ALDH3A1: variants seen among roughly 807,000 people sequenced by gnomAD.
The protein encoded by ALDH3A1 is aldehyde dehydrogenase 3 family member A1.
Under a neutral mutation model 49.9 loss-of-function variants are expected in ALDH3A1, and 46 were observed. The ratio of observed to expected loss-of-function variants is 0.92; its 90% CI spans 0.73 to 1.18. The LOEUF is 1.18. Among genes scored for constraint, ALDH3A1 ranks in the 50% most tolerant of loss-of-function variants. The pLI, the probability that ALDH3A1 is intolerant of heterozygous loss-of-function variation, is 0.00. For missense variants in ALDH3A1, 592 were observed against 611.8 expected (o/e 0.97, Z 0.34); for synonymous variants, 269 against 253.3 (o/e 1.06, Z -0.59).
chr17:19,745,109 G>C lies in ALDH3A1; in HGVS notation c.21C>G (p.Ala7=), dbSNP rs745610092. 6 of 1,584,916 alleles carry C rather than the reference G, an allele frequency of 3.8e-6. No homozygotes were observed. In the Admixed American group the frequency reaches 6.8e-5, roughly 18 times the overall value. Residue 7 remains alanine, a synonymous_variant, in exon 2 of 11, where the codon GCC becomes GCG. Transcript: ENST00000225740. The part of the protein sequence containing the change: MSKISE[A]VKRARAAFSS... ...TGAAGGCGGCGCGGGCGCGCTTCAC[G>C]GCCTCGCTGATCTTGCTCATGGCGC...
At chr17:19,744,494 C>A (rs1392714904) in intron 2 of ALDH3A1, 1 of 985,310 alleles carries the variant, frequency 1.0e-6, no homozygotes, top group South Asian at 4.7e-5. Flanking sequence ...GGACCCCAGG[C>A]AGCATGTGGG....
At chr17:19,747,628 T>C (rs2086617587) in intron 1 of ALDH3A1, among the ~76,000 whole-genome samples, 2 of 151,930 alleles carry the variant, frequency 1.3e-5, no homozygotes, top group Admixed American at 1.3e-4. Context: ...GTGGACACCA[T>C]CACGTCGCAG....
intron 6 of ALDH3A1, 129 bp from the exon 7 acceptor site, chr17:19,740,606 A>G: frequency 9.6e-7 from 1 of 1,037,774 alleles, no homozygotes; most frequent in South Asian, 1.6e-5. Flanking sequence ...TTTCTTCTTT[A>G]TGCTTTTTAA....
In ALDH3A1 at chr17:19,742,039, G is replaced by A. The variant is rs762603230; in HGVS notation, c.654C>T (p.Tyr218=). The A allele has an allele frequency of 7.4e-6, 12 of 1,613,912 alleles. No individual in the cohort carries two copies. In the East Asian group the frequency reaches 1.1e-4, roughly 15 times the overall value. ...CGTCCAGGTCACAGTTCTTGTCCACGTAGCAGGGACTCTTCCCTCCCAGCT... is the reference window on the plus strand; with the variant it reads ...CGTCCAGGTCACAGTTCTTGTCCACATAGCAGGGACTCTTCCCTCCCAGCT... The part of the protein sequence containing the change: ...TLELGGKSPC[Y]VDKNCDLDVA... The change falls in exon 5 of 11, where the codon TAC becomes TAT. Residue 218 remains tyrosine (Y), a synonymous_variant. Coordinates refer to ENST00000225740, the MANE Select transcript of ALDH3A1 (RefSeq NM_000691.5).
chr17:19,743,834 ATAGAT>A lies in ALDH3A1; in HGVS notation c.163-376_163-372del. On this transcript the variant is annotated intron_variant, in intron 2 of 10. Transcript: ENST00000225740. This position sits in a 1 kb window ranked among gnomAD's most constrained non-coding sequence, Gnocchi z 4.4. ...GGGGGGATGGATCCGGGGAGGGGGG[ATAGAT>A]TCGGGCACTGGGAGCTGGATCCGGG... 2.1e-6 allele frequency: 2 copies of A among 957,982 alleles called. No individual in the cohort carries two copies. The highest frequency in any genetic ancestry group is 2.5e-6 in the Non-Finnish European group (2 of 814,528). The allele number at this position is 957,982 out of a possible 1,614,324, so 59.3% of individuals were successfully genotyped here.
rs1567649099 is a variant in ALDH3A1, at chr17:19,738,457, CGGA to C, written c.1217-7_1217-5del. On this transcript the variant is annotated splice_polypyrimidine_tract_variant and splice_region_variant and intron_variant, in intron 9 of 10. Transcript: ENST00000225740. ...TAGGATCCCATGCCGCTGTTCCCTG[CGGA>C]GGAGAAGTAAGCACAGGGCTCAGCA... 1 of 1,609,108 alleles carries C rather than the reference CGGA, an allele frequency of 6.2e-7. No individual in the cohort carries two copies. The highest frequency in any genetic ancestry group is 8.5e-7 in the Non-Finnish European group (1 of 1,176,374).
chr17:19,746,750 C>T (rs920800905), intron 1 of ALDH3A1, among the ~76,000 whole-genome samples: 8 of 151,828 alleles, frequency 5.3e-5, no homozygotes, highest in African/African-American at 1.2e-4. Flanking sequence ...TGTGTGTGGG[C>T]GTGCACGCTC....
At chr17:19,739,193 C>T in intron 8 of ALDH3A1, 98 bp from the exon 9 acceptor site, 2 of 1,128,332 alleles carry the variant, frequency 1.8e-6, no homozygotes, top group Non-Finnish European at 2.6e-6. Context: ...GCCACAAGGA[C>T]AGGAGCAGGT....
chr17:19,738,189 A>C lies in ALDH3A1; in HGVS notation c.*32T>G. 1 of 1,613,746 alleles carries C rather than the reference A, an allele frequency of 6.2e-7. No individual in the cohort carries two copies. Among genetic ancestry groups the C allele is most frequent in the Non-Finnish European group, 8.5e-7 (1 of 1,179,978 alleles). ...GGTGGTCCGCACTCCGATGGGACAC[A>C]GTATGGCCAGGCCAGGCGGAGCAAC... On this transcript the variant is annotated 3_prime_UTR_variant, in exon 11 of 11. Coordinates refer to ENST00000225740, the MANE Select transcript of ALDH3A1 (RefSeq NM_000691.5).
Position 19,739,637 on chromosome 17 carries a change from C to G in ALDH3A1, c.987G>C (p.Pro329=), listed in dbSNP as rs149563628. 152 of 1,613,920 alleles carry G rather than the reference C, an allele frequency of 9.4e-5. 1 individual carries two copies. The African/African-American group carries it at 1.8e-3, about 19-fold the overall frequency. Residue 329 remains proline (P), a synonymous_variant, in exon 8 of 11, where the codon CCG becomes CCC. Transcript: ENST00000225740. ...TILTDVDPQS[P]VMQEEIFGPV... ...GCCCGAAGATCTCCTCTTGCATCAC[C>G]GGGGACTGGGGGTCCACGTCCGTGA...
Position 19,742,210 on chromosome 17 carries a change from A to T in ALDH3A1, c.483T>A (p.Asp161Glu), listed in dbSNP as rs1194144999. The T allele has an allele frequency of 1.2e-6, 2 of 1,613,686 alleles. No homozygotes were observed. Among genetic ancestry groups the T allele is most frequent in the Non-Finnish European group, 1.7e-6 (2 of 1,179,850 alleles). Residue 161 changes from aspartate (D) to glutamate (E), a missense_variant and splice_region_variant, in exon 5 of 11, where the codon GAT becomes GAA. Physicochemically the swap from Asp to Glu is conservative, Grantham distance 45. Coordinates refer to ENST00000225740, the MANE Select transcript of ALDH3A1 (RefSeq NM_000691.5). ...ATIIPQYLDK[D>E]LYPVINGGVP... ...CACCCCCATTGATTACTGGGTACAGATCCTTCCATGCAAGGAGAGAGGGGA... is the reference window on the plus strand; with the variant it reads ...CACCCCCATTGATTACTGGGTACAGTTCCTTCCATGCAAGGAGAGAGGGGA...
chr17:19,742,189 C>T lies in ALDH3A1; in HGVS notation c.504G>A (p.Gly168=), dbSNP rs1260965841. 3 of 1,614,064 alleles carry T rather than the reference C, an allele frequency of 1.9e-6. No individual in the cohort carries two copies. The Admixed American group carries it at 5.0e-5, about 27-fold the overall frequency. Residue 168 remains glycine, a synonymous_variant, in exon 5 of 11, where the codon GGG becomes GGA. Transcript: ENST00000225740. ...LDKDLYPVIN[G]GVPETTELLK... ...GCAGCTCCGTGGTCTCAGGGACACC[C>T]CCATTGATTACTGGGTACAGATCCT...
rs868283403 is a variant in ALDH3A1 at position 19,743,349 on chromosome 17, T to G, written c.277A>C (p.Thr93Pro). ...ADEPVEKTPQTQQDELYIHSE... is the reference protein window; with the variant it reads ...ADEPVEKTPQPQQDELYIHSE... ...TGGATGTAGAGCTCGTCCTGCTGAG[T>G]CTGGGGCGTCTTCTCCACGGGCTCA... Residue 93 changes from threonine to proline, a missense_variant, in exon 3 of 11, where the codon ACT (threonine) becomes CCT (proline). Coordinates refer to ENST00000225740, the MANE Select transcript of ALDH3A1 (RefSeq NM_000691.5). This position sits in a 1 kb window ranked among gnomAD's most constrained non-coding sequence, Gnocchi z 4.4. 6.2e-7 allele frequency: 1 copy of G among 1,614,116 alleles called. No individual in the cohort carries two copies.
chr17:19,742,762 C>A, intron 3 of ALDH3A1, 132 bp from the exon 4 acceptor site: 1 of 1,549,462 alleles, frequency 6.5e-7, no homozygotes. Flanking sequence ...TGTTAGCAAA[C>A]AAGCACATGT....
At position 19,745,107 on chromosome 17, in the gene ALDH3A1, A is replaced by T; in HGVS notation, c.23T>A (p.Val8Glu). The T allele has an allele frequency of 6.3e-7, 1 of 1,586,532 alleles. No homozygotes were observed. Among genetic ancestry groups the T allele is most frequent in the South Asian group, 1.1e-5 (1 of 90,182 alleles). The change falls in exon 2 of 11, where the codon GTG becomes GAG. Residue 8 changes from valine to glutamate, a missense_variant. Transcript: ENST00000225740. ...GCTGAAGGCGGCGCGGGCGCGCTTCACGGCCTCGCTGATCTTGCTCATGGC... is the reference window on the plus strand; with the variant it reads ...GCTGAAGGCGGCGCGGGCGCGCTTCTCGGCCTCGCTGATCTTGCTCATGGC... MSKISEA[V>E]KRARAAFSSG... is the part of the protein sequence containing the mutation.
In ALDH3A1 at chr17:19,740,420, G is replaced by A. The variant is rs373805308; in HGVS notation, c.865C>T (p.Arg289Trp). 2.2e-5 allele frequency: 36 copies of A among 1,613,934 alleles called. No homozygotes were observed. The highest frequency in any genetic ancestry group is 2.1e-4 in the African/African-American group (16 of 74,882). ...AGGCCCATCACCCTCTGGAAGTGCC[G>A]GGCACTAATGATTCTTCCATAGTCC... ...SRDYGRIISA[R>W]HFQRVMGLIE... Residue 289 changes from arginine to tryptophan, a missense_variant, in exon 7 of 11, where the codon CGG becomes TGG. By Grantham distance (101) the Arg-to-Trp change is moderately radical. Coordinates refer to ENST00000225740, the MANE Select transcript of ALDH3A1 (RefSeq NM_000691.5).
In ALDH3A1 at chr17:19,740,607, T is replaced by C. The variant is rs1029414254; in HGVS notation, c.808-130A>G. On this transcript the variant is annotated intron_variant, in intron 6 of 10. Coordinates refer to ENST00000225740, the MANE Select transcript of ALDH3A1 (RefSeq NM_000691.5). ...CTGGGTGGAGCTTTTTTCTTCTTTA[T>C]GCTTTTTAATCTTTTCTAAATAATC... 4.8e-6 allele frequency: 5 copies of C among 1,045,518 alleles called. No individual in the cohort carries two copies. The East Asian group carries it at 7.2e-5, about 15-fold the overall frequency. 64.8% of individuals were successfully genotyped at this position (1,045,518 alleles called of 1,614,324 possible).
At chr17:19,741,380 A>G (rs1383406666) in intron 5 of ALDH3A1, 170 bp from the exon 6 acceptor site, 6 of 572,354 alleles carry the variant, frequency 1.0e-5, no homozygotes, top group Non-Finnish European at 1.9e-5. Context: ...AGCAGACCCA[A>G]TGGCCCTGAT....
At chr17:19,746,097 G>A (rs989511417) in intron 1 of ALDH3A1, among the ~76,000 whole-genome samples, 4 of 152,156 alleles carry the variant, frequency 2.6e-5, no homozygotes, top group Non-Finnish European at 5.9e-5. Context: ...AAGAAAACAG[G>A]TTACAGGCCG....
Sources: gnomAD v4.1 joint callset for allele counts (sites outside exome capture counted in the v4.1 genomes callset) on GRCh38, gnomAD v4.1.1 for gene constraint, Gnocchi (gnomAD v3.1) non-coding constraint, MANE v1.5 for transcripts, NCBI Gene and HGNC (gene_info 2026-07-23, HGNC 2026-07-21) for gene names.